The following OR8G5 variants were observed in gnomAD, a reference collection of about 807,000 sequenced individuals.
OR8G5 encodes the protein olfactory receptor family 8 subfamily G member 5, also known as olfactory receptor 8G5.
For missense variants in OR8G5, 347 were observed against 371.9 expected (o/e 0.93, Z 0.55); for synonymous variants, 147 against 147.7 (o/e 1.00, Z 0.03).
rs10893192 is a variant in OR8G5 at position 124,265,781 on chromosome 11, A to G, written c.850A>G (p.Met284Val). ...TGTGTTTTATACTATTGTTGTGCCCATGCTGAACCCCCTGATCTACAGCCT... is the reference window on the plus strand; with the variant it reads ...TGTGTTTTATACTATTGTTGTGCCCGTGCTGAACCCCCTGATCTACAGCCT... ...SSVFYTIVVP[M>V]LNPLIYSLRN... Residue 284 changes from methionine to valine, a missense_variant, in exon 2 of 2, where the codon ATG (methionine) becomes GTG (valine). Physicochemically the swap from Met to Val is conservative, Grantham distance 21. Coordinates refer to ENST00000641992, the MANE Select transcript of OR8G5 (RefSeq NM_001005198.2). 60,606 of 1,614,096 alleles carry G rather than the reference A, an allele frequency of 0.038. 2,041 individuals are homozygous for G. Among genetic ancestry groups the G allele is most frequent in the African/African-American group, 0.13 (9,436 of 75,012 alleles).
At chr11:124,264,680 T>C in intron 1 of OR8G5, 1 of 542,002 alleles carries the variant, frequency 1.8e-6, no homozygotes, top group Non-Finnish European at 3.2e-6. Flanking sequence ...ATTGAAATAT[T>C]CAAAATACAA....
intron 1 of OR8G5, among the ~76,000 whole-genome samples, chr11:124,258,941 TATC>T (rs1398818446): frequency 6.6e-6 from 1 of 152,230 alleles, no homozygotes; most frequent in Admixed American, 6.5e-5. Flanking sequence ...TCAATTGCTT[TATC>T]ATCTATTATT....
At position 124,264,949 on chromosome 11, in the gene OR8G5, T is replaced by C; in HGVS notation, c.18T>C (p.His6=). ...ATCAAAGAATGGCAGCAGAAAACCA[T>C]TCTTTTGTGACTAAGTTTATTCTGG... is the stretch of plus-strand genomic sequence containing the variant. The part of the protein sequence containing the change: MAAEN[H]SFVTKFILVG... Residue 6 remains histidine (H), a synonymous_variant, in exon 2 of 2, where the codon CAT becomes CAC. Coordinates refer to ENST00000641992, the MANE Select transcript of OR8G5 (RefSeq NM_001005198.2). 6.2e-7 allele frequency: 1 copy of C among 1,613,886 alleles called. No individual in the cohort carries two copies. The highest frequency in any genetic ancestry group is 8.5e-7 in the Non-Finnish European group (1 of 1,179,846).
At position 124,264,982 on chromosome 11, in the gene OR8G5, A is replaced by G; in HGVS notation, c.51A>G (p.Leu17=). 3 of 1,613,976 alleles carry G rather than the reference A, an allele frequency of 1.9e-6. No individual in the cohort carries two copies. In the South Asian group the frequency reaches 3.3e-5, roughly 18 times the overall value. Reference sequence around the variant, plus strand: ...TGACTAAGTTTATTCTGGTTGGGCTAACAGAGAAGTCAGAGCTACAGCTGC... The same window carrying G: ...TGACTAAGTTTATTCTGGTTGGGCTGACAGAGAAGTCAGAGCTACAGCTGC... ...SFVTKFILVG[L]TEKSELQLPL... is the part of the protein sequence containing the mutation. The change falls in exon 2 of 2, where the codon CTA becomes CTG. Residue 17 remains leucine, a synonymous_variant. Transcript: ENST00000641992.
At chr11:124,261,587 A>G (rs1861971669) in intron 1 of OR8G5, among the ~76,000 whole-genome samples, 1 of 152,070 alleles carries the variant, frequency 6.6e-6, no homozygotes, top group Non-Finnish European at 1.5e-5. Flanking sequence ...AATTTTAGTG[A>G]GAGACATGGA....
At chr11:124,262,266 G>C (rs528151004) in intron 1 of OR8G5, among the ~76,000 whole-genome samples, 14 of 151,808 alleles carry the variant, frequency 9.2e-5, no homozygotes, top group African/African-American at 2.7e-4. Context: ...AAGACAAAAA[G>C]ACAACCTTAA....
At chr11:124,260,549 A>G (rs1380297070) in intron 1 of OR8G5, among the ~76,000 whole-genome samples, 1 of 151,946 alleles carries the variant, frequency 6.6e-6, no homozygotes, top group Non-Finnish European at 1.5e-5. Context: ...TTTTAAACAT[A>G]TCGATCATCT....
chr11:124,262,964 C>G (rs1228190244), intron 1 of OR8G5, among the ~76,000 whole-genome samples: 1 of 152,088 alleles, frequency 6.6e-6, no homozygotes, highest in Non-Finnish European at 1.5e-5. Context: ...AGTAGAGATG[C>G]TCCTGACACT....
Position 124,265,949 on chromosome 11 carries a change from G to A in OR8G5, c.*82G>A. On this transcript the variant is annotated 3_prime_UTR_variant, in exon 2 of 2. Coordinates refer to ENST00000641992, the MANE Select transcript of OR8G5 (RefSeq NM_001005198.2). Reference sequence around the variant, plus strand: ...ATGAAATGATGTCTTTCACTTTAGTGCATCTGTCAACATTCTTTCTAATTT... The same window carrying A: ...ATGAAATGATGTCTTTCACTTTAGTACATCTGTCAACATTCTTTCTAATTT... 1.4e-6 allele frequency: 2 copies of A among 1,440,036 alleles called. No individual in the cohort carries two copies. The highest frequency in any genetic ancestry group is 1.8e-6 in the Non-Finnish European group (2 of 1,084,600). The allele number at this position is 1,440,036 out of a possible 1,614,324, so 89.2% of individuals were successfully genotyped here. A position where few individuals can be genotyped will look rare whatever the true frequency, so the allele number is the denominator to read the frequency against.
chr11:124,265,552 C>T lies in OR8G5; in HGVS notation c.621C>T (p.Ile207=). 2 of 1,613,904 alleles carry T rather than the reference C, an allele frequency of 1.2e-6. No homozygotes were observed. The highest frequency in any genetic ancestry group is 1.7e-6 in the Non-Finnish European group (2 of 1,179,848). ...LLILIFSGIN[I]LVPSLTILSS... is the part of the protein sequence containing the mutation. The stretch of plus-strand genomic sequence containing the variant: ...TTTTAATCTTTAGTGGAATTAACAT[C>T]CTTGTCCCCAGCCTGACCATCCTCA... The change falls in exon 2 of 2, where the codon ATC becomes ATT. Residue 207 remains isoleucine, a synonymous_variant. Transcript: ENST00000641992.
chr11:124,257,040 G>A (rs1861920459), intron 1 of OR8G5, among the ~76,000 whole-genome samples: 1 of 152,152 alleles, frequency 6.6e-6, no homozygotes, highest in African/African-American at 2.4e-5. Context: ...AATGTAGAAG[G>A]AACAGTAAAC....
rs148744792 is a variant in OR8G5, at chr11:124,256,536, G to A, written c.-113G>A. 2 of 152,304 alleles carry A rather than the reference G, an allele frequency of 1.3e-5. No homozygotes were observed. Among genetic ancestry groups the A allele is most frequent in the African/African-American group, 4.8e-5 (2 of 41,566 alleles). The allele number at this position is 152,304 out of a possible 1,614,324, so 9.4% of individuals were successfully genotyped here. A position where few individuals can be genotyped will look rare whatever the true frequency, so the allele number is the denominator to read the frequency against. On this transcript the variant is annotated 5_prime_UTR_variant, in exon 1 of 2. Transcript: ENST00000641992. ...CTAAAGACTACAGAACGCTGGCTTG[G>A]TACCTATGACTTCCAACAGCAGCAT...
Position 124,265,457 on chromosome 11 carries a change from C to T in OR8G5, c.526C>T (p.His176Tyr), listed in dbSNP as rs1340556866. 6.2e-7 allele frequency: 1 copy of T among 1,613,978 alleles called. No individual in the cohort carries two copies. Among genetic ancestry groups the T allele is most frequent in the Admixed American group, 1.7e-5 (1 of 60,016 alleles). ...ATTCTGCAAATTTGATGTGATCAAC[C>T]ATTATTTCTGTGATCTTATTTCTAT... ...VQFCKFDVIN[H>Y]YFCDLISILK... The change falls in exon 2 of 2, where the codon CAT becomes TAT. Residue 176 changes from histidine to tyrosine, a missense_variant. Transcript: ENST00000641992.
chr11:124,257,399 A>G (rs754823388), intron 1 of OR8G5, among the ~76,000 whole-genome samples: 2 of 152,208 alleles, frequency 1.3e-5, no homozygotes, highest in Non-Finnish European at 2.9e-5. Context: ...CATGGAAGTC[A>G]TACACTAAGT....
chr11:124,262,893 T>A (rs1464147214), intron 1 of OR8G5, among the ~76,000 whole-genome samples: 1 of 152,198 alleles, frequency 6.6e-6, no homozygotes, highest in Non-Finnish European at 1.5e-5. Flanking sequence ...TATAAGAAAT[T>A]GGCAAACTCT....
chr11:124,262,602 G>A (rs1353296557), intron 1 of OR8G5, among the ~76,000 whole-genome samples: 5 of 151,704 alleles, frequency 3.3e-5, no homozygotes, highest in African/African-American at 4.8e-5. Context: ...TGAGATCCAT[G>A]TTAAACGTAT....
At chr11:124,262,674 T>TACAC (rs377046056) in intron 1 of OR8G5, among the ~76,000 whole-genome samples, 310 of 151,188 alleles carry the variant, frequency 2.1e-3, no homozygotes, top group Non-Finnish European at 2.8e-3. Flanking sequence ...TATGTACATA[T>TACAC]ACACACACAC....
In OR8G5 at chr11:124,265,914, A is replaced by C. The variant is rs1267876285; in HGVS notation, c.*47A>C. ...TTGCATTAGATCTAAGTTTTTGGCT[A>C]TGATATTGTATGAAATGATGTCTTT... is the stretch of plus-strand genomic sequence containing the variant. On this transcript the variant is annotated 3_prime_UTR_variant, in exon 2 of 2. Coordinates refer to ENST00000641992, the MANE Select transcript of OR8G5 (RefSeq NM_001005198.2). The C allele has an allele frequency of 1.3e-6, 2 of 1,508,972 alleles. No homozygotes were observed. The highest frequency in any genetic ancestry group is 2.8e-5 in the African/African-American group (2 of 71,542). 93.5% of individuals were successfully genotyped at this position (1,508,972 alleles called of 1,614,324 possible). A position where few individuals can be genotyped will look rare whatever the true frequency, so the allele number is the denominator to read the frequency against.
chr11:124,257,052 A>G (rs1861920581), intron 1 of OR8G5, among the ~76,000 whole-genome samples: 2 of 152,218 alleles, frequency 1.3e-5, no homozygotes, highest in East Asian at 1.9e-4. Flanking sequence ...ACAGTAAACA[A>G]AAAGTCAGAC....
Sources: gnomAD v4.1 joint callset for allele counts (sites outside exome capture counted in the v4.1 genomes callset) on GRCh38, gnomAD v4.1.1 for gene constraint, MANE v1.5 for transcripts, NCBI Gene and HGNC (gene_info 2026-07-23, HGNC 2026-07-21) for gene names.